Variants in SRPX observed in about 807,000 individuals in gnomAD.
SRPX encodes the protein sushi repeat containing protein X-linked.
SRPX carries 24 observed loss-of-function variants against 38.1 expected under a neutral mutation model. The ratio of observed to expected loss-of-function variants is 0.63; its 90% CI spans 0.46 to 0.89. The LOEUF is 0.89. Ranked by LOEUF, SRPX falls within the 40% of genes least tolerant of loss-of-function variation. SRPX has a pLI of 0.00. For synonymous variants in SRPX, 184 were observed against 153.8 expected (o/e 1.20, Z -1.45); for missense variants, 416 against 377.8 (o/e 1.10, Z -0.84).
rs181587306 is a variant in SRPX, at chrX:38,191,185, G to A, written c.98-12841C>T. Among the ~76,000 whole-genome samples, 170 of 111,689 alleles carry A rather than the reference G, an allele frequency of 1.5e-3. 1 individual carries two copies. Among genetic ancestry groups the A allele is most frequent in the African/African-American group, 5.2e-3 (160 of 30,775 alleles). On this transcript the variant is annotated intron_variant, in intron 1 of 9. Transcript: ENST00000378533. ...CCCATCCTTTCTTCAAAGCTTTTTC[G>A]AAACTGGTTTCTGTCATGTGCCATC... is the stretch of plus-strand genomic sequence containing the variant.
chrX:38,211,582 C>T (rs776910328), intron 1 of SRPX, among the ~76,000 whole-genome samples: 1 of 111,029 alleles, frequency 9.0e-6, no homozygotes, highest in African/African-American at 3.3e-5. Context: ...CGCCTGTAAT[C>T]CCAGCTACTC....
At chrX:38,179,512 C>T (rs1938628777) in intron 1 of SRPX, among the ~76,000 whole-genome samples, 2 of 111,765 alleles carry the variant, frequency 1.8e-5, no homozygotes, top group Non-Finnish European at 3.8e-5. Context: ...CTTGGTCACG[C>T]ATTTAGTTGT....
intron 9 of SRPX, among the ~76,000 whole-genome samples, chrX:38,153,008 A>G (rs1602434713): frequency 8.9e-6 from 1 of 112,262 alleles, no homozygotes; most frequent in South Asian, 3.7e-4. Context: ...AAAAGCTATT[A>G]TCACCTCTGG....
chrX:38,215,245 T>G (rs920066674), intron 1 of SRPX, among the ~76,000 whole-genome samples: 1 of 111,796 alleles, frequency 8.9e-6, no homozygotes, highest in Non-Finnish European at 1.9e-5. Flanking sequence ...TGGAGAACAA[T>G]GCATAAAGAA....
chrX:38,183,507 A>C (rs1312627430), intron 1 of SRPX, among the ~76,000 whole-genome samples: 1 of 112,214 alleles, frequency 8.9e-6, no homozygotes, highest in Non-Finnish European at 1.9e-5. Context: ...AGATACAATA[A>C]GCTCGAAGAC....
chrX:38,158,841 G>A (rs1199311279), intron 7 of SRPX, among the ~76,000 whole-genome samples: 6 of 110,318 alleles, frequency 5.4e-5, no homozygotes, highest in African/African-American at 9.9e-5. Flanking sequence ...TTAGCCAGGC[G>A]TGGTGGCAGG....
intron 5 of SRPX, among the ~76,000 whole-genome samples, chrX:38,164,118 A>G (rs1231455263): frequency 2.0e-5 from 2 of 101,847 alleles, no homozygotes; most frequent in African/African-American, 7.1e-5. Context: ...TGGTAGGTAT[A>G]TATATTTATG....
chrX:38,215,723 T>C (rs1412139454), intron 1 of SRPX, among the ~76,000 whole-genome samples: 2 of 112,200 alleles, frequency 1.8e-5, no homozygotes, highest in East Asian at 2.8e-4. Context: ...AAATACTGAC[T>C]AAAGATCCTC....
intron 1 of SRPX, among the ~76,000 whole-genome samples, chrX:38,207,782 A>G (rs181109997): frequency 5.6e-4 from 63 of 111,645 alleles, no homozygotes; most frequent in African/African-American, 1.9e-3. Context: ...AGATGATTCC[A>G]CTCCTTTACA....
chrX:38,188,938 C>T (rs760247577), intron 1 of SRPX, among the ~76,000 whole-genome samples: 1 of 111,987 alleles, frequency 8.9e-6, no homozygotes, highest in Non-Finnish European at 1.9e-5. Context: ...TCGGTTTCCT[C>T]CCTCAGAATG....
intron 1 of SRPX, among the ~76,000 whole-genome samples, chrX:38,203,754 G>A (rs1320332910): frequency 8.9e-6 from 1 of 112,180 alleles, no homozygotes; most frequent in Non-Finnish European, 1.9e-5. Flanking sequence ...ATTCCAGCCT[G>A]CGCAACAAAA....
intron 1 of SRPX, among the ~76,000 whole-genome samples, chrX:38,181,200 G>C (rs776071502): frequency 6.2e-4 from 70 of 112,468 alleles, no homozygotes; most frequent in African/African-American, 2.2e-3. Flanking sequence ...TGGTAGGCCA[G>C]AGCAGGATGT....
At chrX:38,160,226 A>C (rs373747686) in intron 6 of SRPX, 30 bp from the exon 7 acceptor site, 1 of 1,190,569 alleles carries the variant, frequency 8.4e-7, no homozygotes, top group Admixed American at 2.2e-5. Context: ...GAGGGGTCTC[A>C]GTGCTGAGCT....
intron 1 of SRPX, among the ~76,000 whole-genome samples, chrX:38,197,066 G>A (rs765788848): frequency 1.2e-4 from 14 of 112,398 alleles, no homozygotes; most frequent in African/African-American, 3.9e-4. Context: ...TGGGCGGAGG[G>A]GAGATGGCAC....
At chrX:38,208,419 A>AT (rs1301752262) in intron 1 of SRPX, among the ~76,000 whole-genome samples, 2 of 112,109 alleles carry the variant, frequency 1.8e-5, no homozygotes, top group Non-Finnish European at 3.8e-5. Flanking sequence ...TGGAATTGCC[A>AT]TATGTACTCT....
At chrX:38,203,390 A>G (rs917655100) in intron 1 of SRPX, among the ~76,000 whole-genome samples, 2 of 112,564 alleles carry the variant, frequency 1.8e-5, no homozygotes, top group African/African-American at 6.5e-5. Context: ...ACAACACTCA[A>G]TTTCACTACC....
intron 1 of SRPX, among the ~76,000 whole-genome samples, chrX:38,194,967 G>A (rs987120075): frequency 4.0e-5 from 4 of 99,331 alleles, no homozygotes; most frequent in African/African-American, 1.5e-4. Flanking sequence ...CCACTTCCTC[G>A]GTTCAAGCAA....
intron 7 of SRPX, among the ~76,000 whole-genome samples, chrX:38,159,570 G>A (rs895067863): frequency 3.4e-4 from 38 of 112,160 alleles, no homozygotes; most frequent in Non-Finnish European, 2.4e-4. Context: ...GGTAGATGAG[G>A]TATTATTTTC....
chrX:38,166,123 T>C (rs1226653613), intron 4 of SRPX, among the ~76,000 whole-genome samples: 1 of 112,666 alleles, frequency 8.9e-6, no homozygotes, highest in Admixed American at 9.4e-5. Flanking sequence ...AACTGATAAG[T>C]ATTAAGTGCT....
Sources: gnomAD v4.1 joint callset for allele counts (sites outside exome capture counted in the v4.1 genomes callset) on GRCh38, gnomAD v4.1.1 for gene constraint, MANE v1.5 for transcripts, NCBI Gene and HGNC (gene_info 2026-07-23, HGNC 2026-07-21) for gene names.